KLRK1: variants seen among roughly 807,000 people sequenced by gnomAD.
KLRK1 encodes killer cell lectin like receptor K1, also known as NKG2-D type II integral membrane protein.
In KLRK1, 40 loss-of-function variants were observed where a neutral mutation model predicts 31.3. The ratio of observed to expected loss-of-function variants is 1.28; its 90% CI spans 0.99 to 1.67. The LOEUF is 1.67. Among genes scored for constraint, KLRK1 ranks in the 40% most tolerant of loss-of-function variants. The pLI is 0.00. For missense variants in KLRK1, 251 were observed against 260.0 expected, an observed-to-expected ratio of 0.97 and a Z score of 0.24; for synonymous variants, 77 against 77.3, an observed-to-expected ratio of 1.00 and a Z score of 0.02.
intron 3 of KLRK1, among the ~76,000 whole-genome samples, chr12:10,382,613 AAAG>A (rs959183318): frequency 6.6e-6 from 1 of 152,236 alleles, no homozygotes; most frequent in Non-Finnish European, 1.5e-5. Context: ...GTCAGAAAAA[AAAG>A]AACACAAATG....
chr12:10,382,724 C>G (rs972949859), intron 3 of KLRK1, among the ~76,000 whole-genome samples: 3 of 152,112 alleles, frequency 2.0e-5, no homozygotes, highest in African/African-American at 7.2e-5. Context: ...GGTGCCTCAA[C>G]CACTCAGATC....
At chr12:10,375,969 C>T (rs2733852) in intron 7 of KLRK1, among the ~76,000 whole-genome samples, 2 of 151,934 alleles carry the variant, frequency 1.3e-5, no homozygotes, top group African/African-American at 2.4e-5. Context: ...TGTAGTTCAC[C>T]GGACACAGAA....
intron 5 of KLRK1, 136 bp downstream of exon 5, chr12:10,379,311 G>C: frequency 2.9e-6 from 1 of 346,088 alleles, no homozygotes; most frequent in Non-Finnish European, 4.9e-6. Flanking sequence ...TTGTTAAAAG[G>C]AAAACAGAAG....
intron 1 of KLRK1, among the ~76,000 whole-genome samples, chr12:10,389,127 T>G (rs58737658): frequency 0.054 from 8,228 of 152,228 alleles, 718 homozygotes; most frequent in African/African-American, 0.19. Flanking sequence ...CATTGAGATA[T>G]TTAATACCAA....
At chr12:10,375,672 G>A (rs911017051) in intron 7 of KLRK1, among the ~76,000 whole-genome samples, 1 of 152,160 alleles carries the variant, frequency 6.6e-6, no homozygotes, top group Non-Finnish European at 1.5e-5. Flanking sequence ...AAAAGGAAAA[G>A]CAGTAGTGAC....
chr12:10,380,312 G>T (rs1429509139), intron 3 of KLRK1, among the ~76,000 whole-genome samples: 1 of 152,000 alleles, frequency 6.6e-6, no homozygotes, highest in African/African-American at 2.4e-5. Context: ...TGATCCGCCC[G>T]CCTCGGCCTC....
At chr12:10,386,107 T>G (rs1156841223) in intron 3 of KLRK1, among the ~76,000 whole-genome samples, 1 of 151,960 alleles carries the variant, frequency 6.6e-6, no homozygotes, top group African/African-American at 2.4e-5. Context: ...ATCTAATTTT[T>G]GACGGACTGT....
At chr12:10,380,229 C>A (rs1045117469) in intron 3 of KLRK1, among the ~76,000 whole-genome samples, 4 of 151,922 alleles carry the variant, frequency 2.6e-5, no homozygotes, top group African/African-American at 9.7e-5. Context: ...CCACTCCCAG[C>A]TAATGTTCTG....
chr12:10,377,745 G>A (rs964813444), intron 7 of KLRK1, among the ~76,000 whole-genome samples: 1 of 152,018 alleles, frequency 6.6e-6, no homozygotes, highest in East Asian at 1.9e-4. Flanking sequence ...TATAGTTCTC[G>A]AGACTTATCA....
intron 2 of KLRK1, among the ~76,000 whole-genome samples, chr12:10,387,756 G>T (rs1863196055): frequency 6.6e-6 from 1 of 151,936 alleles, no homozygotes; most frequent in Admixed American, 6.6e-5. Context: ...ATATTGGCCA[G>T]GCTGGTCTCG....
rs1277022516 is a variant in KLRK1 at position 10,383,882 on chromosome 12, C to G, written c.148+3021G>C. Reference sequence around the variant, plus strand: ...AGATACATGAAAATTAAACAACATGCCTTTGAACAAATAAACAAATTCAGT... The same window carrying G: ...AGATACATGAAAATTAAACAACATGGCTTTGAACAAATAAACAAATTCAGT... On this transcript the variant is annotated intron_variant, in intron 3 of 7. Transcript: ENST00000240618. Among the ~76,000 whole-genome samples, 4 of 151,852 alleles carry G rather than the reference C, an allele frequency of 2.6e-5. No homozygotes were observed. In the East Asian group the frequency reaches 7.7e-4, roughly 29 times the overall value.
intron 5 of KLRK1, chr12:10,379,073 A>G (rs183914722): frequency 1.0e-3 from 190 of 189,070 alleles, no homozygotes; most frequent in African/African-American, 3.8e-3. Context: ...GAATTGCTTG[A>G]ACCTAGGAGG....
chr12:10,381,144 C>A (rs1007129879), intron 3 of KLRK1, among the ~76,000 whole-genome samples: 1 of 151,646 alleles, frequency 6.6e-6, no homozygotes, highest in Non-Finnish European at 1.5e-5. Flanking sequence ...CATGCATGCG[C>A]CCCCCCAGAT....
At chr12:10,380,280 C>A (rs189308252) in intron 3 of KLRK1, among the ~76,000 whole-genome samples, 1 of 151,868 alleles carries the variant, frequency 6.6e-6, no homozygotes, top group Non-Finnish European at 1.5e-5. Flanking sequence ...TTAGCCAGGA[C>A]GGTCTCGATC....
At chr12:10,389,790 G>A (rs1863240964) in intron 1 of KLRK1, among the ~76,000 whole-genome samples, 153 bp downstream of exon 1, 1 of 152,054 alleles carries the variant, frequency 6.6e-6, no homozygotes, top group Non-Finnish European at 1.5e-5. Context: ...CATCAGAAAT[G>A]ATAAGCATTC....
intron 7 of KLRK1, among the ~76,000 whole-genome samples, chr12:10,374,395 CTCTTT>C (rs1292690461): frequency 1.1e-5 from 1 of 93,926 alleles, no homozygotes; most frequent in Non-Finnish European, 2.1e-5. Flanking sequence ...TTTCCTCTCT[CTCTTT>C]TTTTTTTTTT....
intron 3 of KLRK1, among the ~76,000 whole-genome samples, chr12:10,380,988 C>T (rs992144903): frequency 3.9e-5 from 6 of 152,122 alleles, no homozygotes; most frequent in Non-Finnish European, 8.8e-5. Flanking sequence ...CCACCAAATC[C>T]ACCTAGAGGA....
intron 2 of KLRK1, among the ~76,000 whole-genome samples, chr12:10,387,537 C>T (rs1863190117): frequency 6.7e-6 from 1 of 150,322 alleles, no homozygotes; most frequent in African/African-American, 2.4e-5. Flanking sequence ...ATTTAGTAAG[C>T]TTTTAGTAAA....
chr12:10,378,293 G>A (rs182606665), intron 6 of KLRK1, 58 bp from the exon 7 acceptor site: 55 of 1,545,634 alleles, frequency 3.6e-5, no homozygotes, highest in African/African-American at 5.5e-5. Flanking sequence ...TTTAGTAAAC[G>A]CAAGACCATA....
Sources: allele counts gnomAD v4.1 joint callset (sites outside exome capture counted in the v4.1 genomes callset), GRCh38; gene constraint gnomAD v4.1.1; transcripts MANE v1.5; gene names NCBI Gene and HGNC (gene_info 2026-07-23, HGNC 2026-07-21).